Variants in EPS8 observed in about 807,000 individuals in gnomAD.
EPS8 encodes EGFR pathway substrate 8, signaling adaptor, also known as epidermal growth factor receptor kinase substrate 8.
In EPS8, 42 loss-of-function variants were observed where a neutral mutation model predicts 103.8. That is an observed-to-expected ratio of 0.40 (90% CI 0.32 to 0.52). The LOEUF (loss-of-function observed/expected upper bound fraction) is 0.52. Ranked by LOEUF, EPS8 falls within the 20% of genes least tolerant of loss-of-function variation. The probability of loss-of-function intolerance (pLI) is 0.40; values close to 1 mark genes in which losing one functional copy is unlikely to be tolerated. For missense variants in EPS8, 969 were observed against 1,005.1 expected (o/e 0.96, Z 0.49); for synonymous variants, 344 against 344.6 (o/e 1.00, Z 0.02).
chr12:15,624,172 G>T, intron 19 of EPS8, 55 bp downstream of exon 19: 1 of 1,423,612 alleles, frequency 7.0e-7, no homozygotes, highest in South Asian at 1.2e-5. Flanking sequence ...TAAGCAAATT[G>T]AAAACAATGC....
At chr12:15,675,998 C>T (rs1945898359) in intron 3 of EPS8, among the ~76,000 whole-genome samples, 1 of 152,120 alleles carries the variant, frequency 6.6e-6, no homozygotes, top group African/African-American at 2.4e-5. Context: ...CTCGGCTGGG[C>T]GTGGTGGCTC....
At position 15,731,619 on chromosome 12, in the gene EPS8, T is replaced by C. The variant is rs1276026205; in HGVS notation, c.-21-48647A>G. ...GGCCTTAATTGACTTTTAATTGGCT[T>C]TTTCACATCATGTGACTTCATGCTA... is the stretch of plus-strand genomic sequence containing the variant. On this transcript the variant is annotated intron_variant, in intron 1 of 20. Transcript: ENST00000281172. The surrounding 1 kb of genome is among the most constrained non-coding windows in gnomAD (Gnocchi z 5.1). Among the ~76,000 whole-genome samples, 1 of 152,166 alleles carries C rather than the reference T, an allele frequency of 6.6e-6. No homozygotes were observed. Among genetic ancestry groups the C allele is most frequent in the Non-Finnish European group, 1.5e-5 (1 of 68,016 alleles).
At position 15,669,492 on chromosome 12, in the gene EPS8, T is replaced by C. The variant is rs1945774279; in HGVS notation, c.411A>G (p.Gln137=). Residue 137 remains glutamine (Q), a synonymous_variant, in exon 6 of 21, where the codon CAA becomes CAG. Coordinates refer to ENST00000281172, the MANE Select transcript of EPS8 (RefSeq NM_004447.6). ...CATAGCTGCATGAATGCATCACAGCTTGGCAGTGCTGGATTGTGTTTAAAG... is the reference window on the plus strand; with the variant it reads ...CATAGCTGCATGAATGCATCACAGCCTGGCAGTGCTGGATTGTGTTTAAAG... ...NFPLNTIQHC[Q]AVMHSCSYDS... is the part of the protein sequence containing the mutation. 6.2e-7 allele frequency: 1 copy of C among 1,613,418 alleles called. No homozygotes were observed. Among genetic ancestry groups the C allele is most frequent in the African/African-American group, 1.3e-5 (1 of 75,018 alleles).
In EPS8 at chr12:15,771,985, A is replaced by G. The variant is rs2417479; in HGVS notation, c.-22+17176T>C. ...TAAAAATACAAAAAATTAGCAGGGC[A>G]TAGTGGCGGGCGCCCGTAGTCTTCA... On this transcript the variant is annotated intron_variant, in intron 1 of 20. Coordinates refer to ENST00000281172, the MANE Select transcript of EPS8 (RefSeq NM_004447.6). This position sits in a 1 kb window ranked among gnomAD's most constrained non-coding sequence, Gnocchi z 4.6. 0.11 allele frequency among the ~76,000 whole-genome samples: 16,629 copies of G among 151,986 alleles called. 2,917 individuals are homozygous for G. Among genetic ancestry groups the G allele is most frequent in the African/African-American group, 0.37 (15,271 of 41,396 alleles).
chr12:15,669,804 C>G lies in EPS8; in HGVS notation c.226G>C (p.Asp76His). ...RVEHLTTFVL[D>H]RKDAMITVDD... ...ACAGTGATCATAGCATCTTTCCGAT[C>G]CAGGACAAAGGTAGTCAAGTGCTTA... Residue 76 changes from aspartate (D) to histidine (H), a missense_variant, in exon 5 of 21, where the codon GAT (aspartate) becomes CAT (histidine). Coordinates refer to ENST00000281172, the MANE Select transcript of EPS8 (RefSeq NM_004447.6). The G allele has an allele frequency of 6.2e-7, 1 of 1,606,246 alleles. No homozygotes were observed.
At chr12:15,703,851 T>G (rs1445839277) in intron 1 of EPS8, among the ~76,000 whole-genome samples, 1 of 142,956 alleles carries the variant, frequency 7.0e-6, no homozygotes, top group African/African-American at 2.7e-5. Flanking sequence ...GTATTTGTTT[T>G]TTTTTTTTTT....
intron 1 of EPS8, among the ~76,000 whole-genome samples, chr12:15,766,249 G>T (rs187290416): frequency 0.016 from 2,451 of 151,404 alleles, 72 homozygotes; most frequent in African/African-American, 0.056. Flanking sequence ...AGGTCGAGGC[G>T]GGTGGATCAC....
At chr12:15,660,468 T>C (rs1945585833) in intron 10 of EPS8, 146 bp downstream of exon 10, 6 of 600,794 alleles carry the variant, frequency 1.0e-5, no homozygotes, top group Non-Finnish European at 1.8e-5. Context: ...TTCATCACAT[T>C]GGTCAGGCTA....
At chr12:15,786,416 A>G (rs1016190924) in intron 1 of EPS8, among the ~76,000 whole-genome samples, 1 of 151,936 alleles carries the variant, frequency 6.6e-6, no homozygotes, top group Non-Finnish European at 1.5e-5. Flanking sequence ...GAGCCTAGGG[A>G]GACATTACGA....
At position 15,785,458 on chromosome 12, in the gene EPS8, A is replaced by G. The variant is rs1035212160; in HGVS notation, c.-22+3703T>C. Among the ~76,000 whole-genome samples, 4 of 152,160 alleles carry G rather than the reference A, an allele frequency of 2.6e-5. No individual in the cohort carries two copies. Among genetic ancestry groups the G allele is most frequent in the African/African-American group, 9.6e-5 (4 of 41,468 alleles). On this transcript the variant is annotated intron_variant, in intron 1 of 20. Transcript: ENST00000281172. This position sits in a 1 kb window ranked among gnomAD's most constrained non-coding sequence, Gnocchi z 4.9. ...ACTGTTGGAGTAAGTTTACATATAA[A>G]CAAAGGGAGAAGGCTAGAATGATAC...
At chr12:15,739,699 T>C (rs898241859) in intron 1 of EPS8, among the ~76,000 whole-genome samples, 17 of 152,288 alleles carry the variant, frequency 1.1e-4, no homozygotes, top group African/African-American at 4.1e-4. Flanking sequence ...AGCTTGCAGA[T>C]GGCCTATCGT....
At chr12:15,754,675 G>A (rs1314186417) in intron 1 of EPS8, among the ~76,000 whole-genome samples, 1 of 152,148 alleles carries the variant, frequency 6.6e-6, no homozygotes, top group Non-Finnish European at 1.5e-5. Context: ...AACTTCATGT[G>A]TTCCAAGTAA....
intron 1 of EPS8, among the ~76,000 whole-genome samples, chr12:15,722,502 C>T (rs1303216843): frequency 6.6e-6 from 1 of 152,112 alleles, no homozygotes; most frequent in Non-Finnish European, 1.5e-5. Flanking sequence ...AAAGAAGATG[C>T]TATGTAAAAG....
intron 1 of EPS8, among the ~76,000 whole-genome samples, chr12:15,730,881 T>C (rs180918345): frequency 2.2e-4 from 33 of 151,716 alleles, no homozygotes; most frequent in Non-Finnish European, 4.4e-4. Flanking sequence ...ATCTCCCATA[T>C]AACTAAAAAA....
chr12:15,730,619 G>A (rs1294863753), intron 1 of EPS8, among the ~76,000 whole-genome samples: 1 of 152,040 alleles, frequency 6.6e-6, no homozygotes, highest in African/African-American at 2.4e-5. Flanking sequence ...ACTCTTTGAG[G>A]GCAGGGGCCT....
In EPS8 at chr12:15,675,910, CGTTT is replaced by C. The variant is rs1945896538; in HGVS notation, c.137-4991_137-4988del. 2.0e-5 allele frequency among the ~76,000 whole-genome samples: 3 copies of C among 152,204 alleles called. No individual in the cohort carries two copies. The South Asian group carries it at 6.2e-4, about 32-fold the overall frequency. ...ACTTAAATAAATGAAGTCCTCTGAG[CGTTT>C]GTTAGAGATGCCACCATGTCTATAC... On this transcript the variant is annotated intron_variant, in intron 3 of 20. Transcript: ENST00000281172.
At chr12:15,668,900 T>C (rs1299488803) in intron 6 of EPS8, among the ~76,000 whole-genome samples, 1 of 152,342 alleles carries the variant, frequency 6.6e-6, no homozygotes, top group Middle Eastern at 3.4e-3. Flanking sequence ...AGAATGCATC[T>C]TATTTTTAAG....
Position 15,650,844 on chromosome 12 carries a change from T to C in EPS8, c.1413A>G (p.Glu471=), listed in dbSNP as rs914908905. ...CTACCTCTGTGGATAATCTTTTTAT[T>C]TCCTGTTTGCGCTGATGTTCTGCTA... is the stretch of plus-strand genomic sequence containing the variant. ...ANVAEHQRKQ[E]IKRLSTEHSS... Residue 471 remains glutamate (E), a synonymous_variant, in exon 14 of 21, where the codon GAA becomes GAG. Transcript: ENST00000281172. 7.6e-5 allele frequency: 123 copies of C among 1,613,954 alleles called. No individual in the cohort carries two copies. Among genetic ancestry groups the C allele is most frequent in the Non-Finnish European group, 1.0e-4 (119 of 1,179,966 alleles).
chr12:15,662,321 A>T (rs1359783803), intron 8 of EPS8: 5 of 1,287,504 alleles, frequency 3.9e-6, no homozygotes, highest in Middle Eastern at 5.9e-4. Context: ...TCTCAACTTT[A>T]TGATGTTAAT....
Sources: gnomAD v4.1 joint callset for allele counts (sites outside exome capture counted in the v4.1 genomes callset) on GRCh38, gnomAD v4.1.1 for gene constraint, Gnocchi (gnomAD v3.1) non-coding constraint, MANE v1.5 for transcripts, NCBI Gene and HGNC (gene_info 2026-07-23, HGNC 2026-07-21) for gene names.